The following TANGO2 variants were observed in gnomAD, a reference collection of about 807,000 sequenced individuals.
TANGO2 encodes transport and golgi organization 2 homolog.
A neutral mutation model predicts 39.1 loss-of-function variants in TANGO2; 26 were observed. That is an observed-to-expected ratio of 0.67 (90% confidence interval 0.49 to 0.92). The LOEUF is 0.92. Ranked by LOEUF, TANGO2 falls within the 40% of genes least tolerant of loss-of-function variation. The pLI, the probability that TANGO2 is intolerant of heterozygous loss-of-function variation, is 0.00. For missense variants in TANGO2, 326 were observed against 360.1 expected, an observed-to-expected ratio of 0.91 and a Z score of 0.77; for synonymous variants, 131 against 144.5, an observed-to-expected ratio of 0.91 and a Z score of 0.67.
At chr22:20,027,272 C>A (rs1343108788) in intron 1 of TANGO2, among the ~76,000 whole-genome samples, 1 of 152,202 alleles carries the variant, frequency 6.6e-6, no homozygotes, top group East Asian at 1.9e-4. Context: ...CCCACCAGGT[C>A]CTGCCTCCAA....
chr22:20,020,897 C>T (rs1224151762), upstream of TANGO2, among the ~76,000 whole-genome samples: 1 of 152,138 alleles, frequency 6.6e-6, no homozygotes, highest in African/African-American at 2.4e-5. Flanking sequence ...GATCAGGAAG[C>T]GCTCAGACGC....
chr22:20,056,690 G>A (rs575719602), intron 6 of TANGO2: 68 of 456,662 alleles, frequency 1.5e-4, no homozygotes, highest in African/African-American at 1.3e-3. Flanking sequence ...TGTTCTGGGA[G>A]GGAGGTCTGC....
At chr22:20,049,610 A>C (rs2045898450) in intron 3 of TANGO2, among the ~76,000 whole-genome samples, 1 of 151,066 alleles carries the variant, frequency 6.6e-6, no homozygotes, top group African/African-American at 2.4e-5. Flanking sequence ...CGGTGAGCTG[A>C]GATCACGCCA....
intron 5 of TANGO2, 112 bp from the exon 6 acceptor site, chr22:20,055,831 G>A (rs779696441): frequency 4.2e-6 from 4 of 944,972 alleles, no homozygotes; most frequent in Middle Eastern, 2.5e-4. Flanking sequence ...TGGCCGCAGC[G>A]GGCTACTGCG....
In TANGO2 at chr22:20,036,950, T is replaced by G. The variant is rs557773908; in HGVS notation, c.56+96T>G. On this transcript the variant is annotated intron_variant, in intron 2 of 8. Transcript: ENST00000327374. ...AAGCTGCTGTGTGCAGGAAGGTGTGTGGGCCAGGACGGGGCTGCACAGGCC... is the reference window on the plus strand; with the variant it reads ...AAGCTGCTGTGTGCAGGAAGGTGTGGGGGCCAGGACGGGGCTGCACAGGCC... 4 of 1,613,454 alleles carry G rather than the reference T, an allele frequency of 2.5e-6. No individual in the cohort carries two copies. In the African/African-American group the frequency reaches 5.3e-5, roughly 22 times the overall value.
chr22:20,017,928 G>A (rs2146564278), upstream of TANGO2, among the ~76,000 whole-genome samples: 1 of 152,326 alleles, frequency 6.6e-6, no homozygotes, highest in East Asian at 1.9e-4. Flanking sequence ...TGCACCTGGA[G>A]ATGACCAGTT....
chr22:20,047,433 C>T (rs1412108543), intron 3 of TANGO2, among the ~76,000 whole-genome samples: 2 of 151,996 alleles, frequency 1.3e-5, no homozygotes, highest in South Asian at 4.1e-4. Flanking sequence ...CGGGGTTTCA[C>T]CATGTTGGTC....
chr22:20,043,484 G>T, intron 3 of TANGO2, 41 bp downstream of exon 3: 2 of 1,442,626 alleles, frequency 1.4e-6, no homozygotes, highest in Non-Finnish European at 1.9e-6. Flanking sequence ...GCGCCTTGTT[G>T]CTTCCCTAGC....
At chr22:20,059,960 A>AT (rs757459768) in intron 6 of TANGO2, among the ~76,000 whole-genome samples, 1,794 of 143,210 alleles carry the variant, frequency 0.013, 30 homozygotes, top group African/African-American at 0.035. Context: ...TAAGTTAACT[A>AT]TTTTTTTTTT....
At chr22:20,020,513 G>A (rs563537531), upstream of TANGO2, among the ~76,000 whole-genome samples, 6 of 152,178 alleles carry the variant, frequency 3.9e-5, no homozygotes, top group East Asian at 1.2e-3. Context: ...TACACTGGGG[G>A]GTGGAAGTGG....
intron 3 of TANGO2, among the ~76,000 whole-genome samples, chr22:20,050,019 T>A (rs946044667): frequency 6.6e-6 from 1 of 152,042 alleles, no homozygotes; most frequent in African/African-American, 2.4e-5. Context: ...CCATCTTGGC[T>A]AACACGGTGA....
chr22:20,041,127 A>T (rs986273641), intron 2 of TANGO2, among the ~76,000 whole-genome samples: 1 of 152,210 alleles, frequency 6.6e-6, no homozygotes, highest in Non-Finnish European at 1.5e-5. Context: ...CTCCAAGGGC[A>T]TGAATGGTGG....
chr22:20,030,584 A>G (rs916407038), intron 1 of TANGO2, among the ~76,000 whole-genome samples: 4 of 151,902 alleles, frequency 2.6e-5, no homozygotes, highest in Non-Finnish European at 5.9e-5. Flanking sequence ...TGACCTCGTG[A>G]TCCACCCACC....
intron 1 of TANGO2, among the ~76,000 whole-genome samples, chr22:20,025,679 C>T (rs542421995): frequency 6.6e-6 from 1 of 152,338 alleles, no homozygotes; most frequent in East Asian, 1.9e-4. Context: ...TGGCTGAGAC[C>T]TCCCTGCTGC....
intron 3 of TANGO2, among the ~76,000 whole-genome samples, chr22:20,050,447 T>G (rs1429533637): frequency 7.6e-6 from 1 of 131,934 alleles, no homozygotes; most frequent in East Asian, 2.7e-4. Flanking sequence ...CATTGCAACC[T>G]CCACCTCCCG....
At chr22:20,053,311 A>T in intron 4 of TANGO2, 126 bp from the exon 5 acceptor site, 2 of 656,856 alleles carry the variant, frequency 3.0e-6, no homozygotes, top group Non-Finnish European at 5.6e-6. Context: ...GGCAGTCATG[A>T]CAGGCCAGGG....
intron 6 of TANGO2, chr22:20,056,813 A>T (rs1181325529): frequency 2.2e-6 from 1 of 456,202 alleles, no homozygotes; most frequent in Admixed American, 2.4e-5. Flanking sequence ...CTGCTGGCTC[A>T]CTCACTCCCA....
chr22:20,051,130 G>A (rs1344617142), intron 3 of TANGO2, among the ~76,000 whole-genome samples: 3 of 151,098 alleles, frequency 2.0e-5, no homozygotes, highest in Non-Finnish European at 4.4e-5. Flanking sequence ...CAAAGGGCTG[G>A]GATTACAGGT....
At position 20,057,942 on chromosome 22, in the gene TANGO2, T is replaced by A. The variant is rs970410887; in HGVS notation, c.451+1929T>A. On this transcript the variant is annotated intron_variant, in intron 6 of 8. Coordinates refer to ENST00000327374, the MANE Select transcript of TANGO2 (RefSeq NM_152906.7). This position sits in a 1 kb window ranked among gnomAD's most constrained non-coding sequence, Gnocchi z 4.1. Reference sequence around the variant, plus strand: ...GACCTCCGTGGCTGGAGATGCTTATTTTCTGCTCAGTTGTTGTTCTGTAGA... The same window carrying A: ...GACCTCCGTGGCTGGAGATGCTTATATTCTGCTCAGTTGTTGTTCTGTAGA... 9.2e-5 allele frequency: 14 copies of A among 152,294 alleles called. No individual in the cohort carries two copies. Among genetic ancestry groups the A allele is most frequent in the African/African-American group, 3.4e-4 (14 of 41,576 alleles). The allele number at this position is 152,294 out of a possible 1,614,324, so 9.4% of individuals were successfully genotyped here.
Sources: gnomAD v4.1 joint callset for allele counts (sites outside exome capture counted in the v4.1 genomes callset) on GRCh38, gnomAD v4.1.1 for gene constraint, Gnocchi (gnomAD v3.1) non-coding constraint, MANE v1.5 for transcripts, NCBI Gene and HGNC (gene_info 2026-07-23, HGNC 2026-07-21) for gene names.